The following ACP7 variants were observed in gnomAD, a reference collection of about 807,000 sequenced individuals.
ACP7 encodes acid phosphatase 7, tartrate resistant (putative).
Under a neutral mutation model 60.6 loss-of-function variants are expected in ACP7, and 58 were observed. The ratio of observed to expected loss-of-function variants is 0.96; its 90% CI spans 0.77 to 1.19. The LOEUF (loss-of-function observed/expected upper bound fraction) is 1.19. Ranked by LOEUF, ACP7 falls within the 50% of genes most tolerant of loss-of-function variation. The pLI is 0.00. For synonymous variants in ACP7, 237 were observed against 232.6 expected (o/e 1.02, Z -0.17); for missense variants, 574 against 596.2 (o/e 0.96, Z 0.39).
intron 2 of ACP7, among the ~76,000 whole-genome samples, chr19:39,089,694 C>G (rs889214500): frequency 2.6e-4 from 40 of 152,306 alleles, no homozygotes; most frequent in African/African-American, 8.2e-4. Flanking sequence ...CTTTCATGCT[C>G]TTGGTATTGC....
intron 2 of ACP7, among the ~76,000 whole-genome samples, chr19:39,088,747 GTTTGTTT>G (rs2073171898): frequency 6.6e-6 from 1 of 151,698 alleles, no homozygotes; most frequent in African/African-American, 2.4e-5. Context: ...TTGTTTGTTT[GTTTGTTT>G]GTTTGTTTTG....
intron 2 of ACP7, among the ~76,000 whole-genome samples, chr19:39,091,911 A>G (rs949251970): frequency 7.5e-6 from 1 of 132,596 alleles, no homozygotes; most frequent in African/African-American, 4.0e-5. Flanking sequence ...GACAACAACT[A>G]AAAAAATAAA....
At chr19:39,109,862 C>A (rs529589567) in intron 12 of ACP7, among the ~76,000 whole-genome samples, 191 bp from the exon 13 acceptor site, 1 of 152,254 alleles carries the variant, frequency 6.6e-6, no homozygotes, top group East Asian at 1.9e-4. Flanking sequence ...CCCACAACAT[C>A]TATGATGTGG....
intron 2 of ACP7, among the ~76,000 whole-genome samples, chr19:39,094,560 C>T (rs149314649): frequency 2.0e-5 from 3 of 151,526 alleles, no homozygotes; most frequent in South Asian, 2.1e-4. Flanking sequence ...CACATGTTCA[C>T]GCCTGTAATC....
In ACP7 at chr19:39,098,554, G is replaced by A. The variant is rs1039950431; in HGVS notation, c.218G>A (p.Arg73His). The change falls in exon 3 of 13, where the codon CGC (arginine) becomes CAC (histidine). Residue 73 changes from arginine (R) to histidine (H), a missense_variant. Physicochemically the swap from Arg to His is conservative, Grantham distance 29. Transcript: ENST00000331256. Reference sequence around the variant, plus strand: ...CAGCCGTCGGGGCCCCTGCCCCTCCGCGCCCAGGGCACCTTCGTCCCCTTT... The same window carrying A: ...CAGCCGTCGGGGCCCCTGCCCCTCCACGCCCAGGGCACCTTCGTCCCCTTT... Reference protein sequence around the residue: ...GLQPSGPLPLRAQGTFVPFVD... With the variant: ...GLQPSGPLPLHAQGTFVPFVD... The A allele has an allele frequency of 5.0e-6, 8 of 1,612,992 alleles. No individual in the cohort carries two copies. The highest frequency in any genetic ancestry group is 2.2e-5 in the South Asian group (2 of 90,776).
intron 2 of ACP7, 50 bp downstream of exon 2, chr19:39,085,440 T>A (rs1483348259): frequency 1.6e-5 from 24 of 1,542,028 alleles, no homozygotes; most frequent in Non-Finnish European, 1.9e-5. Context: ...GGCCCAGCGG[T>A]GCTTCGTTGT....
intron 11 of ACP7, among the ~76,000 whole-genome samples, chr19:39,103,443 T>G (rs8102431): frequency 8.2e-3 from 135 of 16,384 alleles, no homozygotes; most frequent in Non-Finnish European, 0.013. Flanking sequence ...CATCATGTGT[T>G]TTTTTTTTTT....
intron 2 of ACP7, among the ~76,000 whole-genome samples, chr19:39,088,763 TGAGACAGA>T (rs1285939607): frequency 6.7e-6 from 1 of 149,526 alleles, no homozygotes; most frequent in Non-Finnish European, 1.5e-5. Context: ...TTGTTTGTTT[TGAGACAGA>T]GTCTCACTCC....
rs895171427 is a variant in ACP7, at chr19:39,100,824, C to T, written c.778C>T (p.Gln260Ter). ...TTATGGCCGCCACTTGGTACAGAGG[C>T]AGTTTCGCTGGCTGGAGAGCGACCT... ...LHYGRHLVQR[Q>*]FRWLESDLQK... Residue 260 changes from glutamine (Q) to a stop codon, truncating the protein, a stop_gained, in exon 7 of 13, where the codon CAG (glutamine) becomes TAG (stop). Transcript: ENST00000331256. LOFTEE classifies it high-confidence loss of function. 4.3e-6 allele frequency: 7 copies of T among 1,613,864 alleles called. No individual in the cohort carries two copies. The highest frequency in any genetic ancestry group is 5.9e-6 in the Non-Finnish European group (7 of 1,180,018).
intron 2 of ACP7, among the ~76,000 whole-genome samples, chr19:39,092,771 C>CTTTTTTTTTTTTTTTTTTTTTTTTTT (rs67888880): frequency 8.7e-6 from 1 of 114,650 alleles, no homozygotes. Flanking sequence ...TCCCATTCCT[C>CTTTTTTTTTTTTTTTTTTTTTTTTTT]TTTTTTTTTT....
chr19:39,092,631 G>A (rs1175781800), intron 2 of ACP7, among the ~76,000 whole-genome samples: 2 of 151,920 alleles, frequency 1.3e-5, no homozygotes, highest in African/African-American at 4.8e-5. Flanking sequence ...CCCACACCCT[G>A]ATAGTTTTAA....
At position 39,093,172 on chromosome 19, in the gene ACP7, C is replaced by CTTTCTTTCTT; in HGVS notation, c.122-5285_122-5284insTTCTTTCTTT. Among the ~76,000 whole-genome samples the CTTTCTTTCTT allele has an allele frequency of 5.4e-4, 44 of 80,910 alleles. 1 individual carries two copies. The highest frequency in any genetic ancestry group is 1.9e-3 in the African/African-American group (37 of 19,556). 53.1% of individuals were successfully genotyped at this position (80,910 alleles called of 152,430 possible). ...TCTTTCTTTCTCTTTCTTTCTTTCT[C>CTTTCTTTCTT]TCCTTCCTTCCTTCCTTCTTTCTTT... On this transcript the variant is annotated intron_variant, in intron 2 of 12. Coordinates refer to ENST00000331256, the MANE Select transcript of ACP7 (RefSeq NM_001004318.3).
At chr19:39,090,977 T>C (rs2073197193) in intron 2 of ACP7, among the ~76,000 whole-genome samples, 1 of 152,034 alleles carries the variant, frequency 6.6e-6, no homozygotes, top group South Asian at 2.1e-4. Context: ...GATGTTATGA[T>C]TGTCCCAGAT....
chr19:39,098,680 G>T, intron 3 of ACP7, 22 bp downstream of exon 3: 1 of 1,595,276 alleles, frequency 6.3e-7, no homozygotes. Flanking sequence ...CCCAGGCTGA[G>T]CTGTTGAGGA....
chr19:39,100,228 A>C lies in ACP7; in HGVS notation c.507A>C (p.Gly169=). ...CCCTCCTTCCGCCCCCTCCCCCAGG[A>C]GACTTTGCCTACAACCTGGATCAGG... is the stretch of plus-strand genomic sequence containing the variant. ...QGMYDAVLHV[G]DFAYNLDQDN... The change falls in exon 5 of 13, where the codon GGA becomes GGC. Residue 169 remains glycine, a splice_region_variant and synonymous_variant. Coordinates refer to ENST00000331256, the MANE Select transcript of ACP7 (RefSeq NM_001004318.3). 1 of 1,613,744 alleles carries C rather than the reference A, an allele frequency of 6.2e-7. No individual in the cohort carries two copies. Among genetic ancestry groups the C allele is most frequent in the Non-Finnish European group, 8.5e-7 (1 of 1,179,844 alleles).
At chr19:39,099,271 A>G in intron 4 of ACP7, 129 bp downstream of exon 4, 2 of 1,092,026 alleles carry the variant, frequency 1.8e-6, no homozygotes, top group East Asian at 3.2e-5. Context: ...GGCTGGGGCC[A>G]GTGTGTCTCT....
chr19:39,088,890 C>T (rs1423530651), intron 2 of ACP7, among the ~76,000 whole-genome samples: 1 of 151,418 alleles, frequency 6.6e-6, no homozygotes, highest in East Asian at 1.9e-4. Flanking sequence ...GGACTACCAG[C>T]GCGCATCACC....
intron 4 of ACP7, 134 bp downstream of exon 4, chr19:39,099,276 G>T (rs928989256): frequency 9.6e-6 from 10 of 1,042,038 alleles, no homozygotes; most frequent in African/African-American, 5.0e-5. Context: ...GGGCCAGTGT[G>T]TCTCTGAAGG....
chr19:39,098,002 G>T (rs1475188339), intron 2 of ACP7, among the ~76,000 whole-genome samples: 2 of 151,956 alleles, frequency 1.3e-5, no homozygotes, highest in Non-Finnish European at 2.9e-5. Context: ...TGTAATCCCA[G>T]AACTTTGGGA....
Sources: gnomAD v4.1 joint callset for allele counts (sites outside exome capture counted in the v4.1 genomes callset) on GRCh38, gnomAD v4.1.1 for gene constraint, MANE v1.5 for transcripts, NCBI Gene and HGNC (gene_info 2026-07-23, HGNC 2026-07-21) for gene names.